Variants in DDX46 observed in about 807,000 individuals in gnomAD.
The protein encoded by DDX46 is DEAD-box helicase 46, also known as probable ATP-dependent RNA helicase DDX46.
Under a neutral mutation model 134.9 loss-of-function variants are expected in DDX46, and 30 were observed. The observed-to-expected ratio is 0.22, with a 90% CI of 0.17 to 0.30. The LOEUF (loss-of-function observed/expected upper bound fraction) is 0.30. Among genes scored for constraint, DDX46 ranks in the 10% least tolerant of loss-of-function variants. DDX46 has a pLI of 1.00. For missense variants in DDX46, 622 were observed against 1,248.7 expected (o/e 0.50, Z 7.56); for synonymous variants, 415 against 404.1 (o/e 1.03, Z -0.32).
At chr5:134,786,085 G>A (rs1754324927) in intron 11 of DDX46, among the ~76,000 whole-genome samples, 1 of 152,060 alleles carries the variant, frequency 6.6e-6, no homozygotes, top group African/African-American at 2.4e-5. Context: ...CTGACCTCAG[G>A]TGATCCTCCT....
chr5:134,782,135 T>C (rs751522964), intron 8 of DDX46, 49 bp downstream of exon 8: 3 of 1,491,132 alleles, frequency 2.0e-6, no homozygotes, highest in Admixed American at 2.4e-5. Context: ...CAGAAGAGGA[T>C]ACATTTCACA....
At chr5:134,768,240 G>T (rs531397945) in intron 3 of DDX46, among the ~76,000 whole-genome samples, 70 of 151,778 alleles carry the variant, frequency 4.6e-4, no homozygotes, top group African/African-American at 1.6e-3. Context: ...CTCCCGAGTA[G>T]CTGGGACTGC....
intron 1 of DDX46, among the ~76,000 whole-genome samples, chr5:134,759,637 CTA>C (rs1283086334): frequency 6.6e-5 from 10 of 152,126 alleles, no homozygotes; most frequent in African/African-American, 2.4e-4. Context: ...TTAAAAATGA[CTA>C]TTTGCTATGT....
chr5:134,759,049 C>T, intron 1 of DDX46, 94 bp downstream of exon 1: 2 of 1,551,414 alleles, frequency 1.3e-6, no homozygotes, highest in Admixed American at 1.8e-5. Context: ...CCAGGCCTGG[C>T]GCGGCCCCAC....
intron 15 of DDX46, 75 bp from the exon 16 acceptor site, chr5:134,807,673 G>T: frequency 7.4e-7 from 1 of 1,350,154 alleles, no homozygotes; most frequent in Non-Finnish European, 1.0e-6. Flanking sequence ...GTTCTTCACT[G>T]AGTTTAGATT....
At position 134,812,876 on chromosome 5, in the gene DDX46, G is replaced by A. The variant is rs1015228258; in HGVS notation, c.2436+1031G>A. Among the ~76,000 whole-genome samples, 5 of 152,198 alleles carry A rather than the reference G, an allele frequency of 3.3e-5. No homozygotes were observed. In the South Asian group the frequency reaches 1.0e-3, roughly 32 times the overall value. ...TGGTCTCAAACTCCTGACCTCAGGT[G>A]ATCCACCTGCCTTGGCCTCCCATAG... is the stretch of plus-strand genomic sequence containing the variant. On this transcript the variant is annotated intron_variant, in intron 18 of 22. Transcript: ENST00000452510.
intron 21 of DDX46, among the ~76,000 whole-genome samples, chr5:134,820,996 G>A (rs1445097373): frequency 6.7e-6 from 1 of 149,150 alleles, no homozygotes; most frequent in Non-Finnish European, 1.5e-5. Context: ...CTCCTGAGAA[G>A]CTAGGATTAC....
At chr5:134,786,093 C>T (rs1378456076) in intron 11 of DDX46, among the ~76,000 whole-genome samples, 1 of 152,122 alleles carries the variant, frequency 6.6e-6, no homozygotes, top group African/African-American at 2.4e-5. Context: ...AGGTGATCCT[C>T]CTGCCTCGGC....
At position 134,773,965 on chromosome 5, in the gene DDX46, C is replaced by T. The variant is rs116310893; in HGVS notation, c.613+104C>T. 2.7e-3 allele frequency: 3,176 copies of T among 1,156,710 alleles called. 66 individuals carry two copies. In the African/African-American group the frequency reaches 0.043, roughly 16 times the overall value. The allele number at this position is 1,156,710 out of a possible 1,614,324, so 71.7% of individuals were successfully genotyped here. A position where few individuals can be genotyped will look rare whatever the true frequency, so the allele number is the denominator to read the frequency against. On this transcript the variant is annotated intron_variant, in intron 5 of 22. Coordinates refer to ENST00000452510, the MANE Select transcript of DDX46 (RefSeq NM_001300860.2). Reference sequence around the variant, plus strand: ...ATCTTTTTTATTGTTGAAAACTATGCATAATATGCTGTTTACCATTTTCAT... The same window carrying T: ...ATCTTTTTTATTGTTGAAAACTATGTATAATATGCTGTTTACCATTTTCAT...
chr5:134,766,908 C>T lies in DDX46; in HGVS notation c.207-9C>T. 6.2e-7 allele frequency: 1 copy of T among 1,606,168 alleles called. No homozygotes were observed. The highest frequency in any genetic ancestry group is 1.1e-5 in the South Asian group (1 of 89,450). On this transcript the variant is annotated splice_polypyrimidine_tract_variant and intron_variant, in intron 2 of 22. Transcript: ENST00000452510. ...GTCATAGAATAAATGAAAAGTGTCC[C>T]CCTTTCAGACGTTCCAGAAGTAGAG...
At chr5:134,820,098 T>C (rs1382822097) in intron 21 of DDX46, among the ~76,000 whole-genome samples, 1 of 152,014 alleles carries the variant, frequency 6.6e-6, no homozygotes. Flanking sequence ...ATTTTTGTAT[T>C]TTTAGTAGAG....
chr5:134,820,419 A>G (rs1029110176), intron 21 of DDX46, among the ~76,000 whole-genome samples: 30 of 151,992 alleles, frequency 2.0e-4, no homozygotes, highest in Admixed American at 6.6e-4. Context: ...CTGGAGTGCA[A>G]TGGCACGATC....
At chr5:134,796,180 T>C in intron 15 of DDX46, 30 bp downstream of exon 15, 1 of 1,608,836 alleles carries the variant, frequency 6.2e-7, no homozygotes, top group Non-Finnish European at 8.5e-7. Context: ...ACACATAAAA[T>C]ATCTATTAAG....
At chr5:134,759,083 G>T (rs749792401) in intron 1 of DDX46, 128 bp downstream of exon 1, 19 of 1,416,644 alleles carry the variant, frequency 1.3e-5, no homozygotes, top group Non-Finnish European at 1.8e-5. Context: ...TGCCCCGCGA[G>T]CATTGGAAGG....
chr5:134,815,706 C>CAAA lies in DDX46; in HGVS notation c.2437-700_2437-698dup, dbSNP rs374562980. 5.9e-3 allele frequency among the ~76,000 whole-genome samples: 170 copies of CAAA among 28,648 alleles called. 24 individuals carry two copies. Among genetic ancestry groups the CAAA allele is most frequent in the African/African-American group, 0.014 (132 of 9,706 alleles). The allele number at this position is 28,648 out of a possible 152,430, so 18.8% of individuals were successfully genotyped here. ...TGGGAGACAGAGCGAGACTCTGTCTCAAAAAAAAAAAAAAAAAAAAAAAAA... is the reference window on the plus strand; with the variant it reads ...TGGGAGACAGAGCGAGACTCTGTCTCAAAAAAAAAAAAAAAAAAAAAAAAAAAA... On this transcript the variant is annotated intron_variant, in intron 18 of 22. Coordinates refer to ENST00000452510, the MANE Select transcript of DDX46 (RefSeq NM_001300860.2).
At chr5:134,811,482 CTA>C in intron 17 of DDX46, 124 bp downstream of exon 17, 6 of 1,334,142 alleles carry the variant, frequency 4.5e-6, no homozygotes, top group Non-Finnish European at 6.0e-6. Flanking sequence ...TTATTTCTCT[CTA>C]GAGGGAAAAA....
In DDX46 at chr5:134,829,332, A is replaced by G. The variant is rs1368113810; in HGVS notation, c.*626A>G. ...TTTGCATTTCTTTACACTGAGTGTA[A>G]AACTCTACAAAGAGTTATAGTATTT... On this transcript the variant is annotated 3_prime_UTR_variant, in exon 23 of 23. Coordinates refer to ENST00000452510, the MANE Select transcript of DDX46 (RefSeq NM_001300860.2). 1 of 152,190 alleles carries G rather than the reference A, an allele frequency of 6.6e-6. No homozygotes were observed. Among genetic ancestry groups the G allele is most frequent in the Non-Finnish European group, 1.5e-5 (1 of 68,032 alleles). 9.4% of individuals were successfully genotyped at this position (152,190 alleles called of 1,614,324 possible).
rs1457169111 is a variant in DDX46, at chr5:134,810,699, G to A, written c.2149-522G>A. ...AAATTAGAAATTTTCTAGTTTGCTT[G>A]TGTTATTTTAAAATATTAAACTTGG... On this transcript the variant is annotated intron_variant, in intron 16 of 22. Transcript: ENST00000452510. Among the ~76,000 whole-genome samples, 5 of 151,118 alleles carry A rather than the reference G, an allele frequency of 3.3e-5. 1 individual carries two copies. The highest frequency in any genetic ancestry group is 1.2e-4 in the African/African-American group (5 of 41,164).
rs780645597 is a variant in DDX46, at chr5:134,782,002, G to C, written c.961G>C (p.Val321Leu). The change falls in exon 8 of 23, where the codon GTT becomes CTT. Residue 321 changes from valine (V) to leucine (L), a missense_variant. Around this residue, in one of 8 missense-constraint regions of DDX46, gnomAD observed 63 missense variants for 84.0 expected, o/e 0.75. Transcript: ENST00000452510. ...QTKQRKLLEP[V>L]DHGKIEYEPF... The stretch of plus-strand genomic sequence containing the variant: ...AAAACAGCGAAAGCTTCTAGAACCA[G>C]TTGATCATGGAAAAATTGAGTATGA... The C allele has an allele frequency of 6.2e-7, 1 of 1,609,700 alleles. No homozygotes were observed. The highest frequency in any genetic ancestry group is 1.3e-5 in the African/African-American group (1 of 74,532).
Sources: allele counts gnomAD v4.1 joint callset (sites outside exome capture counted in the v4.1 genomes callset), GRCh38; gene constraint gnomAD v4.1.1; regional missense constraint gnomAD v4.1.1; transcripts MANE v1.5; gene names NCBI Gene and HGNC (gene_info 2026-07-23, HGNC 2026-07-21).